The following SAFB variants were observed in gnomAD, a reference collection of about 807,000 sequenced individuals.
The protein encoded by SAFB is scaffold attachment factor B.
A neutral mutation model predicts 101.6 loss-of-function variants in SAFB; 15 were observed. The ratio of observed to expected loss-of-function variants is 0.15; its 90% CI spans 0.10 to 0.23. The LOEUF (loss-of-function observed/expected upper bound fraction) is 0.23, where lower values mean the gene tolerates loss of function less well. SAFB is among the 10% of genes least tolerant of loss of function. The probability of loss-of-function intolerance (pLI) is 1.00; values close to 1 mark genes in which losing one functional copy is unlikely to be tolerated. For synonymous variants in SAFB, 449 were observed against 407.5 expected, an observed-to-expected ratio of 1.10 and a Z score of -1.23; for missense variants, 930 against 1,104.1, an observed-to-expected ratio of 0.84 and a Z score of 2.23.
intron 9 of SAFB, 113 bp from the exon 10 acceptor site, chr19:5,653,002 G>T (rs894461769): frequency 1.1e-5 from 11 of 1,045,982 alleles, no homozygotes; most frequent in Non-Finnish European, 1.6e-5. Flanking sequence ...GTCCTCCCCA[G>T]TCTAACACTT....
Position 5,653,358 on chromosome 19 carries a change from A to G in SAFB, c.1464A>G (p.Gly488=), listed in dbSNP as rs200055742. ...SVEKAKNEPV[G]KKTSDKRDSD... is the part of the protein sequence containing the mutation. Reference sequence around the variant, plus strand: ...TTCAGGCCAAAAATGAACCTGTGGGAAAGAAAACCTCTGACAAAAGAGACA... The same window carrying G: ...TTCAGGCCAAAAATGAACCTGTGGGGAAGAAAACCTCTGACAAAAGAGACA... The change falls in exon 11 of 21, where the codon GGA becomes GGG. Residue 488 remains glycine, a synonymous_variant. Transcript: ENST00000588852. 96 of 1,614,206 alleles carry G rather than the reference A, an allele frequency of 5.9e-5. 2 individuals carry two copies. The East Asian group carries it at 1.6e-3, about 28-fold the overall frequency.
intron 15 of SAFB, among the ~76,000 whole-genome samples, chr19:5,663,012 T>A (rs185695920): frequency 6.6e-6 from 1 of 151,328 alleles, no homozygotes; most frequent in East Asian, 2.0e-4. Context: ...AAAAAAAAAT[T>A]TTTTTTTGAG....
intron 2 of SAFB, 26 bp downstream of exon 2, chr19:5,626,515 T>TC: frequency 7.6e-7 from 1 of 1,313,574 alleles, no homozygotes; most frequent in Non-Finnish European, 1.1e-6. Flanking sequence ...TAAGCAAGTT[T>TC]CATGTTAAGT....
chr19:5,648,285 C>T, intron 6 of SAFB: 1 of 519,256 alleles, frequency 1.9e-6, no homozygotes, highest in Non-Finnish European at 3.4e-6. Context: ...GTATCTCATG[C>T]CTTTTTGAAT....
intron 1 of SAFB, among the ~76,000 whole-genome samples, chr19:5,624,649 A>T (rs999413635): frequency 6.7e-6 from 1 of 150,186 alleles, no homozygotes; most frequent in African/African-American, 2.5e-5. Flanking sequence ...CGGAGATCAC[A>T]GGGCTTTATT....
chr19:5,631,063 G>A (rs1243818224), intron 2 of SAFB, among the ~76,000 whole-genome samples: 1 of 152,088 alleles, frequency 6.6e-6, no homozygotes, highest in Non-Finnish European at 1.5e-5. Flanking sequence ...GGTGGCGGAT[G>A]CCTGTAATCC....
rs553631101 is a variant in SAFB, at chr19:5,667,413, C to A, written c.2520C>A (p.Asp840Glu). The change falls in exon 19 of 21, where the codon GAC (aspartate) becomes GAA (glutamate). Residue 840 changes from aspartate to glutamate, a missense_variant. Physicochemically the swap from Asp to Glu is conservative, Grantham distance 45 (BLOSUM62 2). Coordinates refer to ENST00000588852, the MANE Select transcript of SAFB (RefSeq NM_001201338.2). The surrounding 1 kb of genome is among the most constrained non-coding windows in gnomAD (Gnocchi z 4.0). ...EDDRSWQGTADGGMMDRDHKR... is the reference protein window; with the variant it reads ...EDDRSWQGTAEGGMMDRDHKR... The stretch of plus-strand genomic sequence containing the variant: ...ACCGGTCATGGCAGGGCACGGCCGA[C>A]GGGGGCATGATGGACAGGGATCACA... The A allele has an allele frequency of 6.6e-7, 1 of 1,516,596 alleles. No individual in the cohort carries two copies. The highest frequency in any genetic ancestry group is 2.7e-5 in the Admixed American group (1 of 37,562). The allele number at this position is 1,516,596 out of a possible 1,614,324, so 93.9% of individuals were successfully genotyped here. A position where few individuals can be genotyped will look rare whatever the true frequency, so the allele number is the denominator to read the frequency against.
intron 9 of SAFB, among the ~76,000 whole-genome samples, chr19:5,652,173 A>T (rs1391250689): frequency 2.6e-5 from 4 of 152,162 alleles, no homozygotes; most frequent in Non-Finnish European, 4.4e-5. Context: ...AGCCTGGGAC[A>T]GAGCAAGACT....
chr19:5,665,720 A>G (rs1269871601), intron 17 of SAFB: 1 of 152,232 alleles, frequency 6.6e-6, no homozygotes, highest in African/African-American at 2.4e-5. Flanking sequence ...CACAGTCATA[A>G]ATGAGTCGTC....
intron 9 of SAFB, among the ~76,000 whole-genome samples, chr19:5,651,927 G>A (rs868706658): frequency 6.6e-6 from 1 of 152,246 alleles, no homozygotes; most frequent in South Asian, 2.1e-4. Flanking sequence ...TGGGTGTGGT[G>A]GCTCACGCCT....
chr19:5,626,801 G>A (rs1280952223), intron 2 of SAFB, among the ~76,000 whole-genome samples: 1 of 152,142 alleles, frequency 6.6e-6, no homozygotes, highest in East Asian at 1.9e-4. Flanking sequence ...AATTCCAGGC[G>A]ACTCGGGGCT....
Position 5,661,579 on chromosome 19 carries a change from C to T in SAFB, c.1924C>T (p.Arg642Cys). 4 of 1,613,114 alleles carry T rather than the reference C, an allele frequency of 2.5e-6. No individual in the cohort carries two copies. Among genetic ancestry groups the T allele is most frequent in the Non-Finnish European group, 3.4e-6 (4 of 1,179,932 alleles). Residue 642 changes from arginine (R) to cysteine (C), a missense_variant, in exon 15 of 21, where the codon CGT (arginine) becomes TGT (cysteine). By Grantham distance (180) the Arg-to-Cys change is radical (BLOSUM62 -3). Coordinates refer to ENST00000588852, the MANE Select transcript of SAFB (RefSeq NM_001201338.2). ...GCAGGCGCAGTGGGAGCGCGAGGAG[C>T]GTGAGCGGCTGGAGATTGCCCGAGA... The part of the protein sequence containing the change: ...RMQAQWEREE[R>C]ERLEIARERL...
chr19:5,658,168 T>G (rs2054107609), intron 14 of SAFB, among the ~76,000 whole-genome samples: 1 of 151,912 alleles, frequency 6.6e-6, no homozygotes, highest in Non-Finnish European at 1.5e-5. Flanking sequence ...CGGCTCATTT[T>G]TGTATTTTTA....
rs369240942 is a variant in SAFB at position 5,667,196 on chromosome 19, C to A, written c.2453+32C>A. The A allele has an allele frequency of 6.8e-6, 9 of 1,314,742 alleles. No individual in the cohort carries two copies. The highest frequency in any genetic ancestry group is 2.7e-5 in the South Asian group (2 of 75,098). The allele number at this position is 1,314,742 out of a possible 1,614,324, so 81.4% of individuals were successfully genotyped here. On this transcript the variant is annotated intron_variant, in intron 18 of 20. Transcript: ENST00000588852. The surrounding 1 kb of genome is among the most constrained non-coding windows in gnomAD (Gnocchi z 4.0). ...GTCCCACACCCGACAGTACCTGACCCCCCCCCCGCCCACAAGGGGGCCCGC... is the reference window on the plus strand; with the variant it reads ...GTCCCACACCCGACAGTACCTGACCACCCCCCCGCCCACAAGGGGGCCCGC...
chr19:5,626,527 C>A, intron 2 of SAFB, 38 bp downstream of exon 2: 1 of 1,246,624 alleles, frequency 8.0e-7, no homozygotes, highest in Non-Finnish European at 1.2e-6. Flanking sequence ...ATGTTAAGTG[C>A]TTTCTTCAAA....
chr19:5,648,593 GT>G (rs2053872809), intron 6 of SAFB, among the ~76,000 whole-genome samples: 2 of 152,344 alleles, frequency 1.3e-5, no homozygotes, highest in South Asian at 4.1e-4. Flanking sequence ...ATGTTGGACT[GT>G]TCTGTTAAAA....
chr19:5,641,430 G>A (rs1032423352), intron 2 of SAFB, among the ~76,000 whole-genome samples, 164 bp from the exon 3 acceptor site: 7 of 151,770 alleles, frequency 4.6e-5, no homozygotes, highest in African/African-American at 1.7e-4. Flanking sequence ...GTGGGGCAGG[G>A]CTGTCTTGTG....
At chr19:5,642,772 C>G (rs2053751091) in intron 4 of SAFB, among the ~76,000 whole-genome samples, 1 of 148,880 alleles carries the variant, frequency 6.7e-6, no homozygotes, top group Non-Finnish European at 1.5e-5. Context: ...AAGTGATCTC[C>G]TCCCTCAGCC....
chr19:5,653,861 A>G (rs1170470840), intron 11 of SAFB, among the ~76,000 whole-genome samples, 200 bp from the exon 12 acceptor site: 1 of 151,700 alleles, frequency 6.6e-6, no homozygotes, highest in East Asian at 1.9e-4. Context: ...TGGCTCAACC[A>G]ATTCTCATGC....
Sources: gnomAD v4.1 joint callset for allele counts (sites outside exome capture counted in the v4.1 genomes callset) on GRCh38, gnomAD v4.1.1 for gene constraint, Gnocchi (gnomAD v3.1) non-coding constraint, MANE v1.5 for transcripts, NCBI Gene and HGNC (gene_info 2026-07-23, HGNC 2026-07-21) for gene names.